Variants in SHISA6 observed in about 807,000 individuals in gnomAD.
SHISA6 encodes the protein shisa family member 6.
In SHISA6, 22 loss-of-function variants were observed where a neutral mutation model predicts 47.9. That is an observed-to-expected ratio of 0.46 (90% CI 0.33 to 0.66). The LOEUF (loss-of-function observed/expected upper bound fraction) is 0.66. Ranked by LOEUF, SHISA6 falls within the 30% of genes least tolerant of loss-of-function variation. SHISA6 has a pLI of 0.02. For synonymous variants in SHISA6, 388 were observed against 337.8 expected, an observed-to-expected ratio of 1.15 and a Z score of -1.63; for missense variants, 680 against 764.6, an observed-to-expected ratio of 0.89 and a Z score of 1.30.
intron 3 of SHISA6, among the ~76,000 whole-genome samples, chr17:11,462,809 G>C (rs1915723928): frequency 6.6e-6 from 1 of 152,214 alleles, no homozygotes; most frequent in East Asian, 1.9e-4. Context: ...TGTATTTTTA[G>C]TGGAGATGAG....
intron 1 of SHISA6, among the ~76,000 whole-genome samples, chr17:11,250,424 T>G (rs977009104): frequency 2.0e-5 from 3 of 152,156 alleles, no homozygotes; most frequent in Admixed American, 1.3e-4. Context: ...AATGTGCATT[T>G]ATCACCACTC....
chr17:11,558,517 C>T lies in SHISA6; in HGVS notation c.*213C>T, dbSNP rs1567639900. Reference sequence around the variant, plus strand: ...ACTTAGACCCAGGACCAAGAGCAATCGCTCTTGCTCCTCCAGAAGAATCAG... The same window carrying T: ...ACTTAGACCCAGGACCAAGAGCAATTGCTCTTGCTCCTCCAGAAGAATCAG... On this transcript the variant is annotated 3_prime_UTR_variant, in exon 6 of 6. Transcript: ENST00000441885. 5 of 597,280 alleles carry T rather than the reference C, an allele frequency of 8.4e-6. No homozygotes were observed. The highest frequency in any genetic ancestry group is 3.0e-5 in the Admixed American group (1 of 33,230). 37.0% of individuals were successfully genotyped at this position (597,280 alleles called of 1,614,324 possible).
At chr17:11,259,559 T>C (rs1290671652) in intron 1 of SHISA6, among the ~76,000 whole-genome samples, 2 of 152,248 alleles carry the variant, frequency 1.3e-5, no homozygotes, top group Non-Finnish European at 2.9e-5. Context: ...ATATCCTGAA[T>C]GCAGGTGGTA....
At chr17:11,533,097 T>A (rs547446553) in intron 3 of SHISA6, among the ~76,000 whole-genome samples, 1 of 152,302 alleles carries the variant, frequency 6.6e-6, no homozygotes, top group South Asian at 2.1e-4. Flanking sequence ...CCAGCAGGAA[T>A]GAGTCCTCTG....
intron 2 of SHISA6, among the ~76,000 whole-genome samples, chr17:11,305,480 T>C (rs1597449380): frequency 6.6e-6 from 1 of 152,308 alleles, no homozygotes; most frequent in African/African-American, 2.4e-5. Flanking sequence ...CGAGTTCAGG[T>C]TGCATTGTCT....
chr17:11,311,836 G>C (rs1429488441), intron 2 of SHISA6, among the ~76,000 whole-genome samples: 1 of 151,762 alleles, frequency 6.6e-6, no homozygotes, highest in Non-Finnish European at 1.5e-5. Context: ...AGTGCAGTGG[G>C]GCGATCTTGG....
chr17:11,448,884 T>C (rs1915308789), intron 3 of SHISA6, among the ~76,000 whole-genome samples: 1 of 152,190 alleles, frequency 6.6e-6, no homozygotes, highest in Non-Finnish European at 1.5e-5. Flanking sequence ...AACGTCCCAC[T>C]TTCTACCATG....
At chr17:11,393,522 T>C (rs1459710371) in intron 3 of SHISA6, among the ~76,000 whole-genome samples, 1 of 152,220 alleles carries the variant, frequency 6.6e-6, no homozygotes, top group African/African-American at 2.4e-5. Context: ...TGCTCCAATG[T>C]ACCTTCCTAA....
intron 1 of SHISA6, among the ~76,000 whole-genome samples, chr17:11,244,454 G>C (rs1462403394): frequency 1.3e-5 from 2 of 152,152 alleles, no homozygotes; most frequent in Non-Finnish European, 2.9e-5. Context: ...TCCCAACTCA[G>C]CTTCTTGCTT....
chr17:11,272,973 G>A (rs1908737063), intron 2 of SHISA6, among the ~76,000 whole-genome samples: 1 of 152,174 alleles, frequency 6.6e-6, no homozygotes, highest in African/African-American at 2.4e-5. Flanking sequence ...GTAGACACTC[G>A]TGCCCCTGGC....
intron 3 of SHISA6, among the ~76,000 whole-genome samples, chr17:11,402,727 C>T (rs1320497194): frequency 6.6e-6 from 1 of 152,218 alleles, no homozygotes; most frequent in Non-Finnish European, 1.5e-5. Context: ...CATATTCTTT[C>T]ATGCACTGGG....
At chr17:11,481,980 C>T (rs916786516) in intron 3 of SHISA6, among the ~76,000 whole-genome samples, 10 of 151,878 alleles carry the variant, frequency 6.6e-5, no homozygotes, top group Non-Finnish European at 1.5e-4. Flanking sequence ...GATGCAGAAG[C>T]GAAAGGACTA....
chr17:11,428,775 CTTTCTTTTTTTTTTTT>C (rs1355184386), intron 3 of SHISA6, among the ~76,000 whole-genome samples: 1 of 137,654 alleles, frequency 7.3e-6, no homozygotes, highest in African/African-American at 2.9e-5. Flanking sequence ...GCAGGATCCA[CTTTCTTTTTTTTTTTT>C]TTTTTTTTTT....
At chr17:11,290,237 G>GA (rs11434388) in intron 2 of SHISA6, 142,719 of 152,242 alleles carry the variant, frequency 0.94, 66,961 homozygotes, top group East Asian at 1. Flanking sequence ...CATGGCATAT[G>GA]TACAACTAAT....
chr17:11,325,445 C>T (rs1910846326), intron 2 of SHISA6, among the ~76,000 whole-genome samples: 1 of 152,246 alleles, frequency 6.6e-6, no homozygotes, highest in Non-Finnish European at 1.5e-5. Context: ...TTGTCCAGCT[C>T]CATCTGGAAT....
chr17:11,294,016 G>A (rs1173725391), intron 2 of SHISA6, among the ~76,000 whole-genome samples: 13 of 152,056 alleles, frequency 8.5e-5, no homozygotes, highest in Admixed American at 8.5e-4. Flanking sequence ...CTCCCGAGTA[G>A]CTGGGACTAC....
chr17:11,360,897 C>T (rs2142229142), intron 2 of SHISA6, among the ~76,000 whole-genome samples: 1 of 151,704 alleles, frequency 6.6e-6, no homozygotes, highest in African/African-American at 2.4e-5. Flanking sequence ...CCTAACATGT[C>T]TGTAAAAGAA....
rs144758554 is a variant in SHISA6 at position 11,457,248 on chromosome 17, C to T, written c.895+77739C>T. 3.6e-3 allele frequency among the ~76,000 whole-genome samples: 546 copies of T among 152,320 alleles called. 9 individuals are homozygous for T. Among genetic ancestry groups the T allele is most frequent in the African/African-American group, 0.012 (498 of 41,576 alleles). On this transcript the variant is annotated intron_variant, in intron 3 of 5. Coordinates refer to ENST00000441885, the MANE Select transcript of SHISA6 (RefSeq NM_207386.4). ...CCCCAGTGGTGTCCCTGCCACTCAT[C>T]TCTACCCTGCACTCCTTCTCCTTTA...
At chr17:11,539,338 A>G (rs768083458) in intron 3 of SHISA6, among the ~76,000 whole-genome samples, 1 of 152,208 alleles carries the variant, frequency 6.6e-6, no homozygotes, top group Non-Finnish European at 1.5e-5. Flanking sequence ...TTGACTCACT[A>G]AACAGAAATT....
Sources: gnomAD v4.1 joint callset for allele counts (sites outside exome capture counted in the v4.1 genomes callset) on GRCh38, gnomAD v4.1.1 for gene constraint, MANE v1.5 for transcripts, NCBI Gene and HGNC (gene_info 2026-07-23, HGNC 2026-07-21) for gene names.